The following BCAS3 variants were observed in gnomAD, a reference collection of about 807,000 sequenced individuals.
BCAS3 encodes BCAS4/BCAS3 fusion.
BCAS3 carries 53 observed loss-of-function variants against 116.1 expected under a neutral mutation model. The observed-to-expected ratio is 0.46, with a 90% confidence interval of 0.37 to 0.57. The LOEUF is 0.57. Among genes scored for constraint, BCAS3 ranks in the 20% least tolerant of loss-of-function variants. The pLI, the probability that BCAS3 is intolerant of heterozygous loss-of-function variation, is 0.00. For synonymous variants in BCAS3, 391 were observed against 408.2 expected, an observed-to-expected ratio of 0.96 and a Z score of 0.51; for missense variants, 917 against 1,165.4, an observed-to-expected ratio of 0.79 and a Z score of 3.10.
At chr17:61,042,912 AAAAG>A (rs1167730606) in intron 19 of BCAS3, among the ~76,000 whole-genome samples, 2 of 143,704 alleles carry the variant, frequency 1.4e-5, no homozygotes, top group African/African-American at 2.7e-5. Flanking sequence ...AAAAAAAAAA[AAAAG>A]AAAGAAAGAA....
Position 61,392,157 on chromosome 17 carries a change from C to G in BCAS3, c.*32C>G. On this transcript the variant is annotated 3_prime_UTR_variant, in exon 24 of 24. Coordinates refer to ENST00000407086, the MANE Select transcript of BCAS3 (RefSeq NM_017679.5). This position sits in a 1 kb window ranked among gnomAD's most constrained non-coding sequence, Gnocchi z 6.4. ...GCAACCTGCTTCTGACTGGCCAGCC[C>G]CCTCCCCTGCTGGAGGAGGGGAGAA... 1.9e-6 allele frequency: 3 copies of G among 1,603,902 alleles called. No homozygotes were observed. Among genetic ancestry groups the G allele is most frequent in the Non-Finnish European group, 2.6e-6 (3 of 1,174,254 alleles).
chr17:61,018,753 A>G (rs1364355725), intron 16 of BCAS3, among the ~76,000 whole-genome samples: 2 of 152,130 alleles, frequency 1.3e-5, no homozygotes, highest in Non-Finnish European at 2.9e-5. Flanking sequence ...CCTTATCCCT[A>G]CATACTTCAA....
rs2073248589 is a variant in BCAS3 at position 61,088,282 on chromosome 17, T to G, written c.2425+3718T>G. Among the ~76,000 whole-genome samples the G allele has an allele frequency of 6.6e-6, 1 of 152,172 alleles. No individual in the cohort carries two copies. The highest frequency in any genetic ancestry group is 6.5e-5 in the Admixed American group (1 of 15,272). ...GTTCCATTGTTGGCTGAGGAGATCA[T>G]TTTGGAAATGGACACATTATAGGAT... is the stretch of plus-strand genomic sequence containing the variant. On this transcript the variant is annotated intron_variant, in intron 22 of 23. Transcript: ENST00000407086. The surrounding 1 kb of genome is among the most constrained non-coding windows in gnomAD (Gnocchi z 4.2).
chr17:61,193,428 A>G (rs1198795899), intron 22 of BCAS3, among the ~76,000 whole-genome samples: 1 of 152,086 alleles, frequency 6.6e-6, no homozygotes, highest in Non-Finnish European at 1.5e-5. Context: ...AAGCCCCAAT[A>G]TGTCAATAAT....
At position 61,367,226 on chromosome 17, in the gene BCAS3, G is replaced by A. The variant is rs778909538; in HGVS notation, c.2426-1101G>A. The stretch of plus-strand genomic sequence containing the variant: ...ATTTGCATTTTTTCCCCATCTTCCC[G>A]ATGCTGGCAGGAACCAAGCCCAATA... On this transcript the variant is annotated intron_variant, in intron 22 of 23. Transcript: ENST00000407086. This position sits in a 1 kb window ranked among gnomAD's most constrained non-coding sequence, Gnocchi z 6.2. Among the ~76,000 whole-genome samples, 6 of 152,146 alleles carry A rather than the reference G, an allele frequency of 3.9e-5. No individual in the cohort carries two copies. The highest frequency in any genetic ancestry group is 9.7e-5 in the African/African-American group (4 of 41,428).
intron 10 of BCAS3, among the ~76,000 whole-genome samples, chr17:60,892,604 C>T (rs530339925): frequency 4.0e-5 from 6 of 151,758 alleles, no homozygotes; most frequent in South Asian, 2.1e-4. Context: ...CCCCAGCGTC[C>T]GGCCGTTTTT....
chr17:60,831,441 T>C (rs1190392246), intron 7 of BCAS3, among the ~76,000 whole-genome samples: 2 of 152,194 alleles, frequency 1.3e-5, no homozygotes, highest in African/African-American at 4.8e-5. Context: ...CCTCCCAAAG[T>C]GCTGAGATTA....
intron 22 of BCAS3, among the ~76,000 whole-genome samples, chr17:61,262,824 C>T (rs1257251625): frequency 6.6e-6 from 1 of 151,876 alleles, no homozygotes; most frequent in Non-Finnish European, 1.5e-5. Flanking sequence ...TCCTGAGTAG[C>T]TGGGATTACA....
At chr17:61,284,144 T>C (rs1199150485) in intron 22 of BCAS3, among the ~76,000 whole-genome samples, 1 of 152,130 alleles carries the variant, frequency 6.6e-6, no homozygotes, top group Non-Finnish European at 1.5e-5. Context: ...TCTGTAAAAA[T>C]GGACCAATCA....
intron 22 of BCAS3, among the ~76,000 whole-genome samples, chr17:61,252,884 T>TA: frequency 6.6e-6 from 1 of 150,422 alleles, no homozygotes; most frequent in Middle Eastern, 3.4e-3. Context: ...CCTATACATT[T>TA]TTTTTTTTTT....
chr17:61,303,101 T>C (rs778103770), intron 22 of BCAS3, among the ~76,000 whole-genome samples: 6 of 152,230 alleles, frequency 3.9e-5, no homozygotes, highest in Admixed American at 6.5e-5. Flanking sequence ...TCAGCCCTTG[T>C]CCTGTGTGCT....
chr17:60,828,448 A>C (rs2050624418), intron 7 of BCAS3, among the ~76,000 whole-genome samples: 1 of 152,230 alleles, frequency 6.6e-6, no homozygotes, highest in African/African-American at 2.4e-5. Context: ...CCAGAATAAA[A>C]CCTTGCTAAA....
intron 1 of BCAS3, among the ~76,000 whole-genome samples, 190 bp from the exon 2 acceptor site, chr17:60,679,263 T>A (rs2032587083): frequency 6.6e-6 from 1 of 152,124 alleles, no homozygotes; most frequent in African/African-American, 2.4e-5. Flanking sequence ...CATTATAATT[T>A]GAAAAAAATT....
intron 5 of BCAS3, among the ~76,000 whole-genome samples, chr17:60,710,508 T>A (rs963850479): frequency 6.6e-6 from 1 of 150,948 alleles, no homozygotes; most frequent in Non-Finnish European, 1.5e-5. Context: ...CTCGGCTCAC[T>A]GCAAGCTCTG....
At chr17:60,889,152 A>G (rs921770989) in intron 9 of BCAS3, among the ~76,000 whole-genome samples, 2 of 152,238 alleles carry the variant, frequency 1.3e-5, no homozygotes, top group South Asian at 4.1e-4. Context: ...AGTGAAATGT[A>G]AATACAAAGG....
chr17:60,800,307 T>C (rs907271138), intron 6 of BCAS3, among the ~76,000 whole-genome samples: 4 of 152,218 alleles, frequency 2.6e-5, no homozygotes, highest in African/African-American at 9.6e-5. Flanking sequence ...TGAGCTCCTC[T>C]AGTAGGTATG....
chr17:60,927,015 T>C (rs943105366), intron 13 of BCAS3, among the ~76,000 whole-genome samples: 1 of 152,230 alleles, frequency 6.6e-6, no homozygotes, highest in Non-Finnish European at 1.5e-5. Context: ...TTTCCCTTGC[T>C]AACTTATCTG....
chr17:61,039,874 A>C (rs1426546698), intron 18 of BCAS3, among the ~76,000 whole-genome samples: 1 of 152,180 alleles, frequency 6.6e-6, no homozygotes, highest in Non-Finnish European at 1.5e-5. Flanking sequence ...AGTAACATTG[A>C]GATAGCCATT....
chr17:60,913,681 A>G (rs2058636048), intron 12 of BCAS3, among the ~76,000 whole-genome samples: 1 of 152,144 alleles, frequency 6.6e-6, no homozygotes, highest in Admixed American at 6.5e-5. Context: ...CTGATAATAC[A>G]TTGACTTTTG....
Sources: allele counts gnomAD v4.1 joint callset (sites outside exome capture counted in the v4.1 genomes callset), GRCh38; gene constraint gnomAD v4.1.1; non-coding constraint Gnocchi (gnomAD v3.1); transcripts MANE v1.5; gene names NCBI Gene and HGNC (gene_info 2026-07-23, HGNC 2026-07-21).